TRDN: variants seen among roughly 807,000 people sequenced by gnomAD.
The protein encoded by TRDN is triadin.
TRDN carries 161 observed loss-of-function variants against 149.7 expected under a neutral mutation model. The ratio of observed to expected loss-of-function variants is 1.08; its 90% CI spans 0.95 to 1.23. The LOEUF (loss-of-function observed/expected upper bound fraction) is 1.23. Ranked by LOEUF, TRDN falls within the 50% of genes most tolerant of loss-of-function variation. TRDN has a pLI of 0.00. For synonymous variants in TRDN, 294 were observed against 250.5 expected, an observed-to-expected ratio of 1.17 and a Z score of -1.64; for missense variants, 896 against 823.5, an observed-to-expected ratio of 1.09 and a Z score of -1.08.
At chr6:123,262,563 A>G (rs942153145) in intron 33 of TRDN, among the ~76,000 whole-genome samples, 1 of 152,112 alleles carries the variant, frequency 6.6e-6, no homozygotes, top group African/African-American at 2.4e-5. Flanking sequence ...TAATAAATGT[A>G]ATACAGGCAT....
intron 22 of TRDN, among the ~76,000 whole-genome samples, chr6:123,335,829 A>G (rs1779841426): frequency 1.3e-5 from 2 of 152,016 alleles, no homozygotes; most frequent in South Asian, 4.1e-4. Flanking sequence ...CAATGGAAGA[A>G]GGAAATATTT....
intron 38 of TRDN, among the ~76,000 whole-genome samples, chr6:123,236,490 G>T (rs1305203066): frequency 6.6e-6 from 1 of 151,988 alleles, no homozygotes; most frequent in East Asian, 1.9e-4. Flanking sequence ...TTTACAAATA[G>T]TCCTTTTGGT....
chr6:123,544,971 A>G (rs1416876404), intron 4 of TRDN, among the ~76,000 whole-genome samples: 2 of 151,942 alleles, frequency 1.3e-5, no homozygotes, highest in Non-Finnish European at 2.9e-5. Flanking sequence ...GCAAACTTCA[A>G]CCATAAATAA....
intron 1 of TRDN, among the ~76,000 whole-genome samples, chr6:123,601,038 AT>A (rs762487286): frequency 3.3e-5 from 5 of 152,086 alleles, no homozygotes; most frequent in African/African-American, 1.2e-4. Flanking sequence ...CTAATTCCTT[AT>A]TTTTTCCCCA....
chr6:123,419,560 CAG>C (rs1413759527), intron 12 of TRDN, among the ~76,000 whole-genome samples: 3 of 151,832 alleles, frequency 2.0e-5, no homozygotes, highest in Admixed American at 6.6e-5. Context: ...TGTTTATAGA[CAG>C]GGGGCGGGTC....
At chr6:123,514,083 G>A (rs115129243) in intron 6 of TRDN, among the ~76,000 whole-genome samples, 2,437 of 152,124 alleles carry the variant, frequency 0.016, 72 homozygotes, top group African/African-American at 0.055. Context: ...AATCTTTTTT[G>A]GATGGGTGCT....
intron 38 of TRDN, among the ~76,000 whole-genome samples, chr6:123,225,106 T>TAC (rs386408491): frequency 6.7e-6 from 1 of 148,578 alleles, no homozygotes; most frequent in Non-Finnish European, 1.5e-5. Flanking sequence ...TCCAAAGACA[T>TAC]ACAAATGACC....
chr6:123,381,481 C>A, intron 15 of TRDN, 91 bp from the exon 16 acceptor site: 1 of 1,208,578 alleles, frequency 8.3e-7, no homozygotes. Context: ...ATTTTTCCCA[C>A]CCCTCCTTCC....
chr6:123,352,048 T>C (rs1780479672), intron 21 of TRDN: 2 of 978,658 alleles, frequency 2.0e-6, no homozygotes, highest in Non-Finnish European at 2.4e-6. Flanking sequence ...GGGAGAATGG[T>C]TGAAGTCATA....
chr6:123,483,506 T>C (rs376527026), intron 9 of TRDN, among the ~76,000 whole-genome samples: 2 of 152,146 alleles, frequency 1.3e-5, no homozygotes, highest in African/African-American at 4.8e-5. Context: ...CTAAACTCAT[T>C]GCAAGCAATT....
At chr6:123,552,139 G>C (rs1316272603) in intron 2 of TRDN, among the ~76,000 whole-genome samples, 1 of 152,104 alleles carries the variant, frequency 6.6e-6, no homozygotes, top group Non-Finnish European at 1.5e-5. Context: ...CAGTGTTCAA[G>C]TCATTCTTAA....
chr6:123,355,642 T>C (rs1780639705), intron 20 of TRDN, among the ~76,000 whole-genome samples: 1 of 151,704 alleles, frequency 6.6e-6, no homozygotes, highest in South Asian at 2.1e-4. Flanking sequence ...TCAATTTAAA[T>C]AAAACAATAG....
intron 14 of TRDN, among the ~76,000 whole-genome samples, chr6:123,383,327 T>TAAAA (rs1286013416): frequency 2.0e-5 from 3 of 152,060 alleles, no homozygotes; most frequent in Non-Finnish European, 4.4e-5. Flanking sequence ...CGTAGATGTA[T>TAAAA]AAGCTAGAAA....
At chr6:123,264,656 C>T (rs953985965) in intron 33 of TRDN, among the ~76,000 whole-genome samples, 1 of 120,688 alleles carries the variant, frequency 8.3e-6, no homozygotes, top group African/African-American at 3.2e-5. Flanking sequence ...GCCATACGAA[C>T]TACAGAGAAA....
intron 24 of TRDN, among the ~76,000 whole-genome samples, chr6:123,301,126 T>G (rs1019796983): frequency 6.6e-6 from 1 of 152,012 alleles, no homozygotes; most frequent in African/African-American, 2.4e-5. Context: ...AGCTTTACTT[T>G]AGGTTTCCAA....
chr6:123,336,582 T>C (rs1198359960), intron 22 of TRDN, among the ~76,000 whole-genome samples: 2 of 151,984 alleles, frequency 1.3e-5, no homozygotes, highest in African/African-American at 2.4e-5. Context: ...ACCTCCTTTA[T>C]GATTATTATA....
chr6:123,454,157 A>C (rs1185754499), intron 10 of TRDN, among the ~76,000 whole-genome samples: 2 of 152,000 alleles, frequency 1.3e-5, no homozygotes, highest in Admixed American at 6.6e-5. Flanking sequence ...CGAGGGACAA[A>C]AGACTACAAA....
chr6:123,563,917 C>G (rs1236777349), intron 2 of TRDN, among the ~76,000 whole-genome samples: 2 of 152,132 alleles, frequency 1.3e-5, no homozygotes, highest in Non-Finnish European at 2.9e-5. Context: ...AAGTGATTCT[C>G]CCACCTCAGG....
In TRDN at chr6:123,570,996, G is replaced by T. The variant is rs780737079; in HGVS notation, c.159C>A (p.Val53=). 6.2e-7 allele frequency: 1 copy of T among 1,613,974 alleles called. No individual in the cohort carries two copies. Among genetic ancestry groups the T allele is most frequent in the Non-Finnish European group, 8.5e-7 (1 of 1,179,874 alleles). The change falls in exon 2 of 41, where the codon GTC becomes GTA. Residue 53 remains valine (V), a synonymous_variant. Transcript: ENST00000334268. The part of the protein sequence containing the change: ...TFSSPAAWLL[V]IALIITWSAV... ...CTGACCACGTGATTATCAGGGCAAT[G>T]ACCAGAAGCCAGGCTGCAGGGGAGC...
Sources: allele counts gnomAD v4.1 joint callset (sites outside exome capture counted in the v4.1 genomes callset), GRCh38; gene constraint gnomAD v4.1.1; transcripts MANE v1.5; gene names NCBI Gene and HGNC (gene_info 2026-07-23, HGNC 2026-07-21).